TMC1: variants seen among roughly 807,000 people sequenced by gnomAD.
TMC1 encodes transmembrane channel like 1, also known as transmembrane channel-like protein 1.
TMC1 carries 84 observed loss-of-function variants against 105.8 expected under a neutral mutation model. The observed-to-expected ratio is 0.79, with a 90% CI of 0.67 to 0.95. TMC1 has a LOEUF of 0.95. Among genes scored for constraint, TMC1 ranks in the 40% least tolerant of loss-of-function variants. The pLI is 0.00. For missense variants in TMC1, 817 were observed against 914.1 expected (o/e 0.89, Z 1.37); for synonymous variants, 315 against 311.5 (o/e 1.01, Z -0.12).
intron 2 of TMC1, among the ~76,000 whole-genome samples, chr9:72,604,194 C>G (rs1382689817): frequency 6.6e-6 from 1 of 152,074 alleles, no homozygotes; most frequent in African/African-American, 2.4e-5. Context: ...ACATTGATAC[C>G]TAATGTGCTT....
Position 72,789,200 on chromosome 9 carries a change from C to T in TMC1, c.1107C>T (p.Asn369=). 1 of 1,613,908 alleles carries T rather than the reference C, an allele frequency of 6.2e-7. No individual in the cohort carries two copies. Among genetic ancestry groups the T allele is most frequent in the Non-Finnish European group, 8.5e-7 (1 of 1,179,944 alleles). Reference sequence around the variant, plus strand: ...TCAGATTCCTGAGGTTTCTGGCTAACTTCTTCGTGTTTCTAACACTTGGAG... The same window carrying T: ...TCAGATTCCTGAGGTTTCTGGCTAATTTCTTCGTGTTTCTAACACTTGGAG... ...HLIRFLRFLA[N]FFVFLTLGGS... The change falls in exon 15 of 24, where the codon AAC becomes AAT. Residue 369 remains asparagine (N), a synonymous_variant. Coordinates refer to ENST00000297784, the MANE Select transcript of TMC1 (RefSeq NM_138691.3).
chr9:72,655,949 C>T (rs1825878254), intron 5 of TMC1: 1 of 808,016 alleles, frequency 1.2e-6, no homozygotes, highest in East Asian at 2.4e-5. Context: ...GGATTCTCAT[C>T]TGGAAATGAT....
At chr9:72,640,618 T>G (rs1407839089) in intron 4 of TMC1, among the ~76,000 whole-genome samples, 3 of 149,970 alleles carry the variant, frequency 2.0e-5, no homozygotes, top group African/African-American at 7.4e-5. Context: ...TTGGGATTTG[T>G]TTTTTTGTTT....
chr9:72,623,977 A>G (rs573114269), intron 3 of TMC1, among the ~76,000 whole-genome samples: 1 of 152,304 alleles, frequency 6.6e-6, no homozygotes, highest in East Asian at 1.9e-4. Flanking sequence ...AACTGCAGGA[A>G]GAAAAGGTAA....
intron 5 of TMC1, among the ~76,000 whole-genome samples, chr9:72,649,702 T>C (rs1825769814): frequency 6.6e-6 from 1 of 152,134 alleles, no homozygotes; most frequent in Non-Finnish European, 1.5e-5. Context: ...GGCCCAAACT[T>C]TCATATTAAC....
At chr9:72,819,749 C>T (rs1019732119) in intron 19 of TMC1, among the ~76,000 whole-genome samples, 1 of 152,118 alleles carries the variant, frequency 6.6e-6, no homozygotes, top group Admixed American at 6.6e-5. Flanking sequence ...GGCTAAACAA[C>T]TATTCAGGGA....
intron 13 of TMC1, among the ~76,000 whole-genome samples, chr9:72,777,483 A>G (rs1828024580): frequency 6.6e-6 from 1 of 152,204 alleles, no homozygotes; most frequent in Admixed American, 6.5e-5. Context: ...ATGGAAGGGT[A>G]AGTGGACCTG....
intron 2 of TMC1, among the ~76,000 whole-genome samples, chr9:72,613,962 C>G (rs1341749578): frequency 6.6e-6 from 1 of 152,094 alleles, no homozygotes; most frequent in Non-Finnish European, 1.5e-5. Flanking sequence ...ATGTTTAAAA[C>G]TAGATACTTT....
At position 72,772,414 on chromosome 9, in the gene TMC1, G is replaced by A; in HGVS notation, c.743G>A (p.Gly248Asp). 1.2e-6 allele frequency: 2 copies of A among 1,613,728 alleles called. No homozygotes were observed. Among genetic ancestry groups the A allele is most frequent in the South Asian group, 1.1e-5 (1 of 91,072 alleles). ...ANFGVLYDFN[G>D]LAQYSVLFYG... ...AGTGGCTTTGTTGTTGGATTTCAGGGTTTGGCACAATATTCCGTTCTCTTT... is the reference window on the plus strand; with the variant it reads ...AGTGGCTTTGTTGTTGGATTTCAGGATTTGGCACAATATTCCGTTCTCTTT... The change falls in exon 13 of 24, where the codon GGT becomes GAT. Residue 248 changes from glycine (G) to aspartate (D), a missense_variant and splice_region_variant. Gly to Asp is a moderately conservative substitution (Grantham distance 94, BLOSUM62 -1). Transcript: ENST00000297784.
chr9:72,716,662 C>T (rs1024573867), intron 8 of TMC1, among the ~76,000 whole-genome samples: 19 of 152,134 alleles, frequency 1.2e-4, no homozygotes, highest in Non-Finnish European at 2.1e-4. Flanking sequence ...GTGCTGGCAG[C>T]GAGAATTTCA....
At chr9:72,834,425 A>G (rs911421423) in intron 23 of TMC1, among the ~76,000 whole-genome samples, 3 of 152,104 alleles carry the variant, frequency 2.0e-5, no homozygotes, top group Non-Finnish European at 2.9e-5. Flanking sequence ...CTTTAAGCAC[A>G]TGGATGGGGC....
At chr9:72,619,438 T>A (rs1000448790) in intron 3 of TMC1, among the ~76,000 whole-genome samples, 6 of 152,158 alleles carry the variant, frequency 3.9e-5, no homozygotes, top group African/African-American at 1.4e-4. Flanking sequence ...TAAAATATTA[T>A]GCATGCAGTA....
chr9:72,740,840 T>G (rs911267229), intron 9 of TMC1, among the ~76,000 whole-genome samples: 1 of 152,184 alleles, frequency 6.6e-6, no homozygotes, highest in African/African-American at 2.4e-5. Flanking sequence ...AGTTCATATA[T>G]CCTAACTTTC....
intron 15 of TMC1, 89 bp from the exon 16 acceptor site, chr9:72,791,797 C>A: frequency 1.9e-6 from 2 of 1,076,892 alleles, no homozygotes; most frequent in Non-Finnish European, 2.9e-6. Flanking sequence ...ATCAAAGAAG[C>A]CTAGCTCAGA....
chr9:72,587,560 C>T (rs984080988), intron 2 of TMC1, among the ~76,000 whole-genome samples: 2 of 152,164 alleles, frequency 1.3e-5, no homozygotes, highest in Admixed American at 6.5e-5. Flanking sequence ...CCCTGTTTTT[C>T]CTAGTCCCTT....
chr9:72,662,724 T>C (rs1477514870), intron 5 of TMC1, among the ~76,000 whole-genome samples: 2 of 152,244 alleles, frequency 1.3e-5, no homozygotes, highest in East Asian at 3.9e-4. Context: ...AAGAAAAAAA[T>C]GAAAAATTCT....
intron 13 of TMC1, among the ~76,000 whole-genome samples, chr9:72,774,082 T>C (rs1393442908): frequency 6.6e-6 from 1 of 152,226 alleles, no homozygotes; most frequent in East Asian, 1.9e-4. Context: ...ATTCATAGGC[T>C]TATTTAAGAA....
intron 15 of TMC1, among the ~76,000 whole-genome samples, chr9:72,789,625 A>G (rs1303444484): frequency 6.6e-6 from 1 of 152,232 alleles, no homozygotes; most frequent in Non-Finnish European, 1.5e-5. Flanking sequence ...TTATATGTTT[A>G]TGGTCACAGA....
chr9:72,746,318 G>A (rs566927978), intron 10 of TMC1, among the ~76,000 whole-genome samples: 23 of 152,188 alleles, frequency 1.5e-4, no homozygotes, highest in Admixed American at 1.4e-3. Context: ...CATGTTTCTA[G>A]GCACTATTGC....
Sources: gnomAD v4.1 joint callset for allele counts (sites outside exome capture counted in the v4.1 genomes callset) on GRCh38, gnomAD v4.1.1 for gene constraint, MANE v1.5 for transcripts, NCBI Gene and HGNC (gene_info 2026-07-23, HGNC 2026-07-21) for gene names.